FMN1: variants seen among roughly 807,000 people sequenced by gnomAD.
The protein encoded by FMN1 is formin-1.
A neutral mutation model predicts 132.4 loss-of-function variants in FMN1; 110 were observed. That is an observed-to-expected ratio of 0.83 (90% CI 0.71 to 0.97). The LOEUF (loss-of-function observed/expected upper bound fraction) is 0.97, where lower values mean the gene tolerates loss of function less well. Ranked by LOEUF, FMN1 falls within the 50% of genes least tolerant of loss-of-function variation. The probability of loss-of-function intolerance (pLI) is 0.00; values close to 1 mark genes in which losing one functional copy is unlikely to be tolerated. For missense variants in FMN1, 1,792 were observed against 1,705.3 expected (o/e 1.05, Z -0.90); for synonymous variants, 722 against 651.7 (o/e 1.11, Z -1.64).
chr15:33,109,238 C>G (rs563689161), intron 4 of FMN1, among the ~76,000 whole-genome samples: 21 of 152,094 alleles, frequency 1.4e-4, no homozygotes, highest in Middle Eastern at 3.4e-3. Flanking sequence ...TTTTGAGGTT[C>G]CTGTACAAAA....
At chr15:32,775,869 G>A (rs528525884) in intron 20 of FMN1, among the ~76,000 whole-genome samples, 1 of 152,308 alleles carries the variant, frequency 6.6e-6, no homozygotes, top group Admixed American at 6.5e-5. Flanking sequence ...GTAAGTAGTT[G>A]TTGGACATCA....
chr15:32,945,464 T>TTTCTCATCTAA (rs1425305482), intron 9 of FMN1, among the ~76,000 whole-genome samples: 16 of 152,188 alleles, frequency 1.1e-4, no homozygotes, highest in African/African-American at 3.9e-4. Flanking sequence ...GTCTATATAA[T>TTTCTCATCTAA]TTCTCATCTA....
At chr15:33,093,465 C>T (rs1279702319) in intron 4 of FMN1, among the ~76,000 whole-genome samples, 1 of 152,186 alleles carries the variant, frequency 6.6e-6, no homozygotes, top group Non-Finnish European at 1.5e-5. Flanking sequence ...TGTGTAATCA[C>T]TCATGTCTGT....
chr15:32,959,081 T>C (rs1223809333), intron 9 of FMN1, among the ~76,000 whole-genome samples: 1 of 151,810 alleles, frequency 6.6e-6, no homozygotes, highest in Non-Finnish European at 1.5e-5. Context: ...ATATTCACGT[T>C]TCAATGCTGG....
chr15:33,128,244 C>T (rs1476459691), intron 4 of FMN1, among the ~76,000 whole-genome samples: 1 of 151,410 alleles, frequency 6.6e-6, no homozygotes, highest in Non-Finnish European at 1.5e-5. Context: ...CCATAATTTC[C>T]AACACCCTCA....
chr15:33,173,064 A>G (rs554501565), intron 3 of FMN1, among the ~76,000 whole-genome samples: 1 of 151,718 alleles, frequency 6.6e-6, no homozygotes, highest in Non-Finnish European at 1.5e-5. Context: ...AGAACCTCAT[A>G]ATAAAGTTGT....
intron 16 of FMN1, among the ~76,000 whole-genome samples, chr15:32,866,141 TG>T (rs1186324806): frequency 6.6e-6 from 1 of 150,504 alleles, no homozygotes; most frequent in East Asian, 1.9e-4. Context: ...GACGAGTTAA[TG>T]GGTACAGCAC....
chr15:33,145,915 A>C (rs1964198404), intron 4 of FMN1, among the ~76,000 whole-genome samples: 1 of 152,086 alleles, frequency 6.6e-6, no homozygotes, highest in South Asian at 2.1e-4. Flanking sequence ...TTTAGAAAAA[A>C]TACGTGAAAT....
In FMN1 at chr15:33,073,783, T is replaced by G. The variant is rs535626657; in HGVS notation, c.2044-8709A>C. On this transcript the variant is annotated intron_variant, in intron 5 of 20. Coordinates refer to ENST00000616417, the MANE Select transcript of FMN1 (RefSeq NM_001277313.2). ...TCTCACTGCGTTACCCAGGCTGAAG[T>G]ACAGTGGCACAATCACTGCTCAGGC... is the stretch of plus-strand genomic sequence containing the variant. Among the ~76,000 whole-genome samples, 3 of 151,468 alleles carry G rather than the reference T, an allele frequency of 2.0e-5. No homozygotes were observed. The East Asian group carries it at 5.8e-4, about 29-fold the overall frequency.
chr15:33,024,026 C>A (rs2035547521), intron 6 of FMN1, among the ~76,000 whole-genome samples: 1 of 151,860 alleles, frequency 6.6e-6, no homozygotes. Context: ...AAAATGTTAG[C>A]ATCCAGAATA....
At chr15:32,813,520 C>A (rs2057957037) in intron 17 of FMN1, among the ~76,000 whole-genome samples, 1 of 152,168 alleles carries the variant, frequency 6.6e-6, no homozygotes, top group African/African-American at 2.4e-5. Context: ...GGCCTTCAGA[C>A]TTTATGAAGG....
intron 17 of FMN1, among the ~76,000 whole-genome samples, chr15:32,810,645 A>C (rs2057843293): frequency 6.6e-6 from 1 of 152,216 alleles, no homozygotes; most frequent in Non-Finnish European, 1.5e-5. Context: ...TTTTATTCTC[A>C]AGAGGGTGGC....
intron 16 of FMN1, among the ~76,000 whole-genome samples, chr15:32,868,372 T>C (rs2059440498): frequency 2.0e-5 from 3 of 152,168 alleles, no homozygotes; most frequent in Admixed American, 6.5e-5. Context: ...CTGAATAATG[T>C]TGGGGACTGT....
At chr15:32,995,837 T>C (rs2140883193) in intron 7 of FMN1, among the ~76,000 whole-genome samples, 1 of 152,374 alleles carries the variant, frequency 6.6e-6, no homozygotes, top group Middle Eastern at 3.4e-3. Flanking sequence ...CATATTCAGA[T>C]GTTTCCTTCA....
intron 19 of FMN1, among the ~76,000 whole-genome samples, chr15:32,785,220 T>TATATA (rs1567163233): frequency 7.2e-4 from 19 of 26,216 alleles, no homozygotes; most frequent in South Asian, 6.7e-3. Flanking sequence ...ATATATATAT[T>TATATA]TTTTTTTTTT....
intron 13 of FMN1, 42 bp downstream of exon 13, chr15:32,901,869 C>A: frequency 6.4e-7 from 1 of 1,557,270 alleles, no homozygotes; most frequent in Non-Finnish European, 8.7e-7. Context: ...CTTCTTTACT[C>A]TTCAGAGCAA....
chr15:33,152,203 A>G (rs1964465530), intron 4 of FMN1, among the ~76,000 whole-genome samples: 1 of 152,244 alleles, frequency 6.6e-6, no homozygotes, highest in Admixed American at 6.5e-5. Context: ...TAGAAAATGT[A>G]ATGAATACCA....
intron 15 of FMN1, among the ~76,000 whole-genome samples, chr15:32,891,017 T>C (rs1400447148): frequency 2.0e-5 from 3 of 152,214 alleles, no homozygotes; most frequent in African/African-American, 7.2e-5. Flanking sequence ...CTTTATATTT[T>C]TGTTTGCTTT....
intron 7 of FMN1, among the ~76,000 whole-genome samples, chr15:32,989,535 A>G (rs1416252575): frequency 1.3e-5 from 2 of 152,154 alleles, no homozygotes; most frequent in South Asian, 2.1e-4. Context: ...TTTGTAGTCA[A>G]GTGCAGTTTA....
Sources: allele counts gnomAD v4.1 joint callset (sites outside exome capture counted in the v4.1 genomes callset), GRCh38; gene constraint gnomAD v4.1.1; transcripts MANE v1.5; gene names NCBI Gene and HGNC (gene_info 2026-07-23, HGNC 2026-07-21).